STS: variants seen among roughly 807,000 people sequenced by gnomAD.
STS encodes steroid sulfatase.
A neutral mutation model predicts 26.8 loss-of-function variants in STS; 7 were observed. That is an observed-to-expected ratio of 0.26 (90% confidence interval 0.15 to 0.49). The LOEUF (loss-of-function observed/expected upper bound fraction) is 0.49. STS is among the 20% of genes least tolerant of loss of function. The pLI, the probability that STS is intolerant of heterozygous loss-of-function variation, is 0.98. For missense variants in STS, 434 were observed against 465.6 expected (o/e 0.93, Z 0.63); for synonymous variants, 199 against 189.4 (o/e 1.05, Z -0.42).
intron 7 of STS, among the ~76,000 whole-genome samples, chrX:7,278,400 G>A (rs1030995312): frequency 8.9e-6 from 1 of 112,111 alleles, no homozygotes; most frequent in Non-Finnish European, 1.9e-5. Flanking sequence ...GTTAACTAGT[G>A]AGGGTGCATC....
chrX:7,208,639 T>C (rs1458674646), intron 2 of STS, among the ~76,000 whole-genome samples: 1 of 112,060 alleles, frequency 8.9e-6, no homozygotes, highest in East Asian at 2.8e-4. Context: ...TCTCCCTTTC[T>C]TCTTTCTTTC....
At chrX:7,213,628 G>C (rs1242766039) in intron 2 of STS, among the ~76,000 whole-genome samples, 1 of 111,658 alleles carries the variant, frequency 9.0e-6, no homozygotes, top group Non-Finnish European at 1.9e-5. Flanking sequence ...ATTTTAAAAA[G>C]GGATATTTTG....
At chrX:7,198,558 G>A (rs1177297399) in intron 2 of STS, among the ~76,000 whole-genome samples, 2 of 111,580 alleles carry the variant, frequency 1.8e-5, no homozygotes, top group Non-Finnish European at 3.8e-5. Flanking sequence ...GTGTCCCCAG[G>A]CAAAAATGGG....
intron 2 of STS, among the ~76,000 whole-genome samples, chrX:7,239,581 T>C (rs1922491506): frequency 8.9e-6 from 1 of 112,046 alleles, no homozygotes; most frequent in Non-Finnish European, 1.9e-5. Context: ...GTTGTAGGAA[T>C]AGCTGCTTTC....
At chrX:7,273,519 G>C (rs916278228) in intron 6 of STS, among the ~76,000 whole-genome samples, 1 of 111,628 alleles carries the variant, frequency 9.0e-6, no homozygotes, top group African/African-American at 3.3e-5. Flanking sequence ...TCCAGAGAAG[G>C]TCCTACCCCA....
chrX:7,308,602 C>T (rs1162734543), intron 8 of STS, among the ~76,000 whole-genome samples: 1 of 111,610 alleles, frequency 9.0e-6, no homozygotes, highest in African/African-American at 3.3e-5. Context: ...GGAGCTACTC[C>T]ATAAATTTCT....
chrX:7,210,252 G>A (rs1004580175), intron 2 of STS, among the ~76,000 whole-genome samples: 6 of 111,023 alleles, frequency 5.4e-5, no homozygotes, highest in Non-Finnish European at 9.4e-5. Context: ...CAGTGTAAAA[G>A]TGTTCCTATT....
At chrX:7,283,625 T>A (rs1335156220) in intron 7 of STS, among the ~76,000 whole-genome samples, 1 of 110,568 alleles carries the variant, frequency 9.0e-6, no homozygotes, top group Non-Finnish European at 1.9e-5. Flanking sequence ...ATGTGGATTT[T>A]CAGTTCAATG....
intron 5 of STS, among the ~76,000 whole-genome samples, chrX:7,259,112 T>G (rs1172650269): frequency 9.0e-6 from 1 of 111,684 alleles, no homozygotes; most frequent in East Asian, 2.8e-4. Context: ...TTGTTTGTTT[T>G]TTTGTTTTGT....
chrX:7,269,203 G>A (rs191528061), intron 6 of STS, among the ~76,000 whole-genome samples: 58 of 94,227 alleles, frequency 6.2e-4, no homozygotes, highest in African/African-American at 2.1e-3. Context: ...CTCTGGTTTC[G>A]GGCTGAGCAT....
At chrX:7,339,260 T>G in intron 10 of STS, among the ~76,000 whole-genome samples, 1 of 111,462 alleles carries the variant, frequency 9.0e-6, no homozygotes, top group South Asian at 3.8e-4. Flanking sequence ...GGATCTAAAG[T>G]GTCAGAAATG....
chrX:7,295,168 A>G (rs753806815), intron 7 of STS, among the ~76,000 whole-genome samples: 7 of 111,694 alleles, frequency 6.3e-5, no homozygotes, highest in Non-Finnish European at 1.1e-4. Flanking sequence ...TACTCCACTG[A>G]ATACCAATGT....
chrX:7,175,063 C>T (rs1394707671), intron 1 of STS, among the ~76,000 whole-genome samples: 1 of 109,641 alleles, frequency 9.1e-6, no homozygotes, highest in Non-Finnish European at 1.9e-5. Flanking sequence ...TCTAGTTATC[C>T]CCTTTGTTTC....
intron 1 of STS, among the ~76,000 whole-genome samples, chrX:7,189,180 T>G (rs1247422127): frequency 9.0e-6 from 1 of 111,627 alleles, no homozygotes; most frequent in Non-Finnish European, 1.9e-5. Flanking sequence ...CAAGTGGGAT[T>G]ATGCTTCATA....
chrX:7,180,969 T>C (rs1226200535), intron 1 of STS, among the ~76,000 whole-genome samples: 5 of 112,274 alleles, frequency 4.5e-5, no homozygotes, highest in Non-Finnish European at 9.4e-5. Flanking sequence ...TGCTTCTAAA[T>C]GCAGTAACTC....
chrX:7,291,477 A>G (rs756246601), intron 7 of STS, among the ~76,000 whole-genome samples: 53 of 112,528 alleles, frequency 4.7e-4, no homozygotes, highest in African/African-American at 1.6e-3. Context: ...TTCTCAGTGC[A>G]AAATGGATCT....
At chrX:7,150,149 C>G (rs1240660843) in intron 1 of STS, among the ~76,000 whole-genome samples, 2 of 112,182 alleles carry the variant, frequency 1.8e-5, no homozygotes, top group Non-Finnish European at 3.8e-5. Flanking sequence ...GTCAGAGTTA[C>G]TGTTATTTTT....
At position 7,148,051 on chromosome X, in the gene STS, A is replaced by C; in HGVS notation, c.-166A>C. The C allele has an allele frequency of 1.8e-6, 2 of 1,129,943 alleles. No individual in the cohort carries two copies. Among genetic ancestry groups the C allele is most frequent in the Non-Finnish European group, 2.3e-6 (2 of 852,039 alleles). 93.1% of individuals were successfully genotyped at this position (1,129,943 alleles called of 1,213,427 possible). ...TGGAGGCGGCGGCTGCACACTACCC[A>C]CCCAGAAGAAGTCCGTCCATGTCAA... On this transcript the variant is annotated 5_prime_UTR_variant, in exon 1 of 11. Transcript: ENST00000674429.
intron 2 of STS, among the ~76,000 whole-genome samples, chrX:7,223,141 A>G (rs184121165): frequency 1.9e-4 from 21 of 111,533 alleles, no homozygotes; most frequent in East Asian, 1.7e-3. Flanking sequence ...TTTTTATCCA[A>G]TCCTCTGTTG....
Sources: gnomAD v4.1 joint callset for allele counts (sites outside exome capture counted in the v4.1 genomes callset) on GRCh38, gnomAD v4.1.1 for gene constraint, MANE v1.5 for transcripts, NCBI Gene and HGNC (gene_info 2026-07-23, HGNC 2026-07-21) for gene names.